IFT122: variants seen among roughly 807,000 people sequenced by gnomAD.
IFT122 encodes intraflagellar transport 122.
A neutral mutation model predicts 161.6 loss-of-function variants in IFT122; 118 were observed. That is an observed-to-expected ratio of 0.73 (90% CI 0.63 to 0.85). The LOEUF (loss-of-function observed/expected upper bound fraction) is 0.85, where lower values mean the gene tolerates loss of function less well. Ranked by LOEUF, IFT122 falls within the 40% of genes least tolerant of loss-of-function variation. The pLI is 0.00. For missense variants in IFT122, 1,381 were observed against 1,579.6 expected, an observed-to-expected ratio of 0.87 and a Z score of 2.13; for synonymous variants, 550 against 602.4, an observed-to-expected ratio of 0.91 and a Z score of 1.27.
intron 17 of IFT122, among the ~76,000 whole-genome samples, chr3:129,494,812 C>G (rs1293737893): frequency 6.6e-6 from 1 of 152,138 alleles, no homozygotes; most frequent in Non-Finnish European, 1.5e-5. Context: ...CTGACCCTGA[C>G]CTGTTCCTCT....
At position 129,479,770 on chromosome 3, in the gene IFT122, G is replaced by T. The variant is rs750299501; in HGVS notation, c.1351-15G>T. 1.2e-6 allele frequency: 2 copies of T among 1,613,908 alleles called. No individual in the cohort carries two copies. Among genetic ancestry groups the T allele is most frequent in the Non-Finnish European group, 1.7e-6 (2 of 1,180,028 alleles). On this transcript the variant is annotated splice_polypyrimidine_tract_variant and intron_variant, in intron 12 of 29. Coordinates refer to ENST00000348417, the MANE Select transcript of IFT122 (RefSeq NM_052989.3). ...TTCTGTTGAATTTCCATGCAGAGCT[G>T]GGTTTGCTTCCTAGGAGAAACGGCT...
At chr3:129,514,275 C>G (rs999478327) in intron 24 of IFT122, 114 bp from the exon 25 acceptor site, 1 of 1,191,526 alleles carries the variant, frequency 8.4e-7, no homozygotes, top group South Asian at 1.3e-5. Context: ...CTTTCCTCTG[C>G]CTTCCCGGCA....
rs2077126714 is a variant in IFT122 at position 129,469,324 on chromosome 3, T to C, written c.741-18T>C. ...AGGCTGTGGCCCTTCATAACCTCTTTTATCTTCTGTTGATTAGAGAGGAAC... is the reference window on the plus strand; with the variant it reads ...AGGCTGTGGCCCTTCATAACCTCTTCTATCTTCTGTTGATTAGAGAGGAAC... On this transcript the variant is annotated intron_variant, in intron 8 of 29. Transcript: ENST00000348417. 1.1e-5 allele frequency: 18 copies of C among 1,610,378 alleles called. No individual in the cohort carries two copies. Among genetic ancestry groups the C allele is most frequent in the Non-Finnish European group, 1.4e-5 (17 of 1,176,608 alleles).
intron 3 of IFT122, among the ~76,000 whole-genome samples, chr3:129,454,488 G>T (rs1031252398): frequency 1.3e-5 from 2 of 150,220 alleles, no homozygotes; most frequent in South Asian, 4.2e-4. Context: ...TCATAGTCAG[G>T]TGTGCTGTAC....
intron 26 of IFT122, 130 bp downstream of exon 26, chr3:129,515,729 G>A (rs2083411894): frequency 1.3e-6 from 1 of 799,786 alleles, no homozygotes; most frequent in Non-Finnish European, 2.2e-6. Context: ...ATGAAATGAG[G>A]ACACTCTGAC....
chr3:129,498,112 C>A (rs1357377898), intron 18 of IFT122, among the ~76,000 whole-genome samples: 1 of 152,216 alleles, frequency 6.6e-6, no homozygotes, highest in Non-Finnish European at 1.5e-5. Context: ...TGTAACTTAG[C>A]TTCAGGAAAG....
At chr3:129,517,356 T>G in intron 26 of IFT122, 113 bp from the exon 27 acceptor site, 1 of 1,409,784 alleles carries the variant, frequency 7.1e-7, no homozygotes, top group Non-Finnish European at 9.8e-7. Context: ...TCTTCTTGCT[T>G]TTGGTGAAGC....
At chr3:129,454,370 G>A (rs1288824042) in intron 3 of IFT122, among the ~76,000 whole-genome samples, 1 of 151,142 alleles carries the variant, frequency 6.6e-6, no homozygotes, top group Non-Finnish European at 1.5e-5. Context: ...ATCTGGCCTG[G>A]GTGACAGAGC....
At chr3:129,458,249 T>G (rs1183658192) in intron 3 of IFT122, among the ~76,000 whole-genome samples, 1 of 152,242 alleles carries the variant, frequency 6.6e-6, no homozygotes, top group Non-Finnish European at 1.5e-5. Context: ...ATCCGTGTCT[T>G]ACCATGTTGT....
At chr3:129,447,418 G>C (rs1273934877) in intron 1 of IFT122, among the ~76,000 whole-genome samples, 2 of 152,202 alleles carry the variant, frequency 1.3e-5, no homozygotes, top group African/African-American at 4.8e-5. Flanking sequence ...CAACAGAAAG[G>C]AATGTCTGGG....
At chr3:129,469,210 G>T (rs149628833) in intron 8 of IFT122, 132 bp from the exon 9 acceptor site, 2 of 760,848 alleles carry the variant, frequency 2.6e-6, no homozygotes, top group Non-Finnish European at 4.7e-6. Flanking sequence ...ATAACTTTTG[G>T]CTTCAGTAAA....
intron 14 of IFT122, among the ~76,000 whole-genome samples, chr3:129,482,534 G>C (rs1387249941): frequency 3.3e-5 from 5 of 152,170 alleles, no homozygotes; most frequent in Non-Finnish European, 7.3e-5. Context: ...AGAATCGATG[G>C]GGGAGGGGTC....
At chr3:129,501,287 G>A (rs1009053617) in intron 19 of IFT122, among the ~76,000 whole-genome samples, 1 of 152,182 alleles carries the variant, frequency 6.6e-6, no homozygotes, top group African/African-American at 2.4e-5. Flanking sequence ...GGTCCTAAAG[G>A]CTGTTGATTC....
At chr3:129,461,370 G>A (rs1163246652) in intron 5 of IFT122, 66 bp downstream of exon 5, 2 of 1,143,364 alleles carry the variant, frequency 1.7e-6, no homozygotes, top group Admixed American at 1.7e-5. Context: ...ATGCTAAAAT[G>A]CATTCAGAAT....
intron 11 of IFT122, among the ~76,000 whole-genome samples, chr3:129,477,652 C>G (rs555518874): frequency 6.6e-6 from 1 of 152,296 alleles, no homozygotes; most frequent in Non-Finnish European, 1.5e-5. Flanking sequence ...CCCCGTTTGT[C>G]AAGGAGGTGG....
At chr3:129,460,812 G>T in intron 4 of IFT122, 2 of 1,530,934 alleles carry the variant, frequency 1.3e-6, no homozygotes, top group Non-Finnish European at 1.8e-6. Context: ...TACATGATTT[G>T]CTCAGCTTTC....
intron 19 of IFT122, 132 bp from the exon 20 acceptor site, chr3:129,502,579 T>A: frequency 7.8e-6 from 8 of 1,022,426 alleles, no homozygotes; most frequent in Non-Finnish European, 1.2e-5. Flanking sequence ...ATGCATTTAA[T>A]AACTACCCAC....
At chr3:129,508,808 C>G (rs1019815035) in intron 23 of IFT122, among the ~76,000 whole-genome samples, 1 of 151,940 alleles carries the variant, frequency 6.6e-6, no homozygotes, top group Non-Finnish European at 1.5e-5. Flanking sequence ...GTGAATATTG[C>G]GATGAGGCAA....
chr3:129,484,166 G>T (rs1228309433), intron 15 of IFT122, among the ~76,000 whole-genome samples: 1 of 152,066 alleles, frequency 6.6e-6, no homozygotes, highest in African/African-American at 2.4e-5. Flanking sequence ...CTCTGAACCA[G>T]GAGGTGGCCA....
Sources: allele counts gnomAD v4.1 joint callset (sites outside exome capture counted in the v4.1 genomes callset), GRCh38; gene constraint gnomAD v4.1.1; transcripts MANE v1.5; gene names NCBI Gene and HGNC (gene_info 2026-07-23, HGNC 2026-07-21).